Variants in CNTN1 observed in about 807,000 individuals in gnomAD.
The protein encoded by CNTN1 is contactin-1.
In CNTN1, 38 loss-of-function variants were observed where a neutral mutation model predicts 126.4. The ratio of observed to expected loss-of-function variants is 0.30; its 90% CI spans 0.23 to 0.39. The LOEUF is 0.39. CNTN1 is among the 10% of genes least tolerant of loss of function. The pLI is 1.00. For missense variants in CNTN1, 1,009 were observed against 1,248.4 expected (o/e 0.81, Z 2.89); for synonymous variants, 413 against 422.6 (o/e 0.98, Z 0.28).
intron 1 of CNTN1, among the ~76,000 whole-genome samples, chr12:40,728,657 A>T (rs376131685): frequency 1.3e-5 from 2 of 152,308 alleles, no homozygotes. Context: ...ATTTGAGATA[A>T]ATGACTCTCT....
intron 15 of CNTN1, among the ~76,000 whole-genome samples, chr12:40,969,567 T>C (rs1947428247): frequency 6.6e-6 from 1 of 152,196 alleles, no homozygotes; most frequent in Non-Finnish European, 1.5e-5. Flanking sequence ...CTCTCATAAC[T>C]GATTGCAGAT....
chr12:41,046,180 C>T (rs1156850611), intron 23 of CNTN1, among the ~76,000 whole-genome samples: 1 of 152,056 alleles, frequency 6.6e-6, no homozygotes, highest in Non-Finnish European at 1.5e-5. Context: ...ATGATCTTGT[C>T]CTGTGTCCTG....
intron 1 of CNTN1, among the ~76,000 whole-genome samples, chr12:40,721,350 T>A (rs1371531654): frequency 6.6e-6 from 1 of 152,154 alleles, no homozygotes; most frequent in East Asian, 1.9e-4. Flanking sequence ...CTTTTTTTTA[T>A]ATTGAACCTT....
At chr12:41,030,018 G>A (rs750502002) in intron 23 of CNTN1, among the ~76,000 whole-genome samples, 2 of 151,874 alleles carry the variant, frequency 1.3e-5, no homozygotes, top group Non-Finnish European at 2.9e-5. Context: ...TTTGAGAAAT[G>A]TATGAGAGGC....
chr12:40,944,274 A>C, intron 14 of CNTN1, 104 bp downstream of exon 14: 1 of 1,129,908 alleles, frequency 8.9e-7, no homozygotes, highest in Non-Finnish European at 1.3e-6. Context: ...TTTGTTTTTC[A>C]TGAGACCAAA....
At chr12:40,737,959 T>C (rs539553918) in intron 1 of CNTN1, among the ~76,000 whole-genome samples, 40 of 152,192 alleles carry the variant, frequency 2.6e-4, no homozygotes, top group African/African-American at 9.1e-4. Flanking sequence ...TGAGGCATCA[T>C]ATTAAGAGAT....
chr12:40,765,172 A>G (rs1375627849), intron 1 of CNTN1, among the ~76,000 whole-genome samples: 1 of 152,138 alleles, frequency 6.6e-6, no homozygotes, highest in Non-Finnish European at 1.5e-5. Flanking sequence ...AATATGGTAA[A>G]TAAAGGAATC....
chr12:40,830,527 A>G (rs1458952188), intron 1 of CNTN1, among the ~76,000 whole-genome samples: 1 of 151,620 alleles, frequency 6.6e-6, no homozygotes, highest in African/African-American at 2.4e-5. Flanking sequence ...GTTGATATAC[A>G]TTATTAGTGA....
chr12:41,050,799 A>G (rs1566220288), intron 23 of CNTN1, among the ~76,000 whole-genome samples: 1 of 152,192 alleles, frequency 6.6e-6, no homozygotes, highest in Non-Finnish European at 1.5e-5. Context: ...ACAACACTCT[A>G]TATCAGCATT....
intron 15 of CNTN1, among the ~76,000 whole-genome samples, chr12:40,978,402 C>T (rs1947738488): frequency 6.6e-6 from 1 of 151,802 alleles, no homozygotes; most frequent in Non-Finnish European, 1.5e-5. Context: ...ACCAACACAA[C>T]CCTTTCCATT....
rs1944079055 is a variant in CNTN1, at chr12:40,887,432, A to G, written c.-76-20925A>G. On this transcript the variant is annotated intron_variant, in intron 1 of 23. Coordinates refer to ENST00000551295, the MANE Select transcript of CNTN1 (RefSeq NM_001843.4). ...GAAAAAATGCTCGTCGTCACTGGCC[A>G]TCAGAGATATGCAAATCAAAACCAC... is the stretch of plus-strand genomic sequence containing the variant. Among the ~76,000 whole-genome samples the G allele has an allele frequency of 2.0e-5, 3 of 152,256 alleles. 1 individual carries two copies. Among genetic ancestry groups the G allele is most frequent in the Admixed American group, 1.3e-4 (2 of 15,288 alleles).
At chr12:40,885,235 A>G (rs1246695235) in intron 1 of CNTN1, among the ~76,000 whole-genome samples, 1 of 151,900 alleles carries the variant, frequency 6.6e-6, no homozygotes, top group Non-Finnish European at 1.5e-5. Flanking sequence ...TTTCATCCCT[A>G]AAATGGACAC....
intron 1 of CNTN1, among the ~76,000 whole-genome samples, chr12:40,756,953 A>T (rs960920045): frequency 6.6e-6 from 1 of 152,162 alleles, no homozygotes; most frequent in Non-Finnish European, 1.5e-5. Context: ...CATAGTAATC[A>T]GTCAATAATT....
At chr12:40,906,421 A>G (rs1192566649) in intron 1 of CNTN1, among the ~76,000 whole-genome samples, 6 of 152,178 alleles carry the variant, frequency 3.9e-5, no homozygotes, top group Non-Finnish European at 8.8e-5. Context: ...ATCCTGGCCC[A>G]TATATTACCA....
chr12:40,971,511 T>A (rs1947510381), intron 15 of CNTN1: 1 of 1,596,416 alleles, frequency 6.3e-7, no homozygotes, highest in East Asian at 2.2e-5. Flanking sequence ...TCCAACCTGG[T>A]GATCGTTGAC....
At chr12:40,956,187 A>T (rs1357347554) in intron 14 of CNTN1, among the ~76,000 whole-genome samples, 1 of 152,160 alleles carries the variant, frequency 6.6e-6, no homozygotes, top group East Asian at 1.9e-4. Flanking sequence ...TCATTCAAAC[A>T]AGGCATATTT....
rs555417214 is a variant in CNTN1, at chr12:40,694,663, C to A, written c.-77+2071C>A. ...AAAATTTAATTCTGTGTTTTAAGAA[C>A]AAAATTCTAACTTGCCAAGTCATTT... On this transcript the variant is annotated intron_variant, in intron 1 of 23. Coordinates refer to ENST00000551295, the MANE Select transcript of CNTN1 (RefSeq NM_001843.4). Among the ~76,000 whole-genome samples the A allele has an allele frequency of 7.2e-5, 11 of 152,280 alleles. No homozygotes were observed. The South Asian group carries it at 8.3e-4, about 11-fold the overall frequency.
Position 40,980,999 on chromosome 12 carries a change from G to A in CNTN1, c.1895G>A (p.Ser632Asn), listed in dbSNP as rs199886411. ...TGGAGCCGTGGTTCAGACAATCATAGTCCTATTTCTAAATACACTATCCAG... is the reference window on the plus strand; with the variant it reads ...TGGAGCCGTGGTTCAGACAATCATAATCCTATTTCTAAATACACTATCCAG... ...LTWSRGSDNH[S>N]PISKYTIQTK... Residue 632 changes from serine to asparagine, a missense_variant, in exon 16 of 24, where the codon AGT (serine) becomes AAT (asparagine). Transcript: ENST00000551295. 1.9e-6 allele frequency: 3 copies of A among 1,613,706 alleles called. No homozygotes were observed. The African/African-American group carries it at 4.0e-5, about 22-fold the overall frequency.
At chr12:40,994,565 C>T (rs542755897) in intron 17 of CNTN1, among the ~76,000 whole-genome samples, 4 of 152,100 alleles carry the variant, frequency 2.6e-5, no homozygotes, top group South Asian at 2.1e-4. Context: ...CAACAGTGTT[C>T]GGTCCATAAT....
Sources: gnomAD v4.1 joint callset for allele counts (sites outside exome capture counted in the v4.1 genomes callset) on GRCh38, gnomAD v4.1.1 for gene constraint, MANE v1.5 for transcripts, NCBI Gene and HGNC (gene_info 2026-07-23, HGNC 2026-07-21) for gene names.